The following RFX3 variants were observed in gnomAD, a reference collection of about 807,000 sequenced individuals.
RFX3 encodes transcription factor RFX3.
In RFX3, 14 loss-of-function variants were observed where a neutral mutation model predicts 98.6. The ratio of observed to expected loss-of-function variants is 0.14; its 90% CI spans 0.09 to 0.22. The LOEUF (loss-of-function observed/expected upper bound fraction) is 0.22. Among genes scored for constraint, RFX3 ranks in the 10% least tolerant of loss-of-function variants. The pLI is 1.00. For synonymous variants in RFX3, 383 were observed against 328.4 expected (o/e 1.17, Z -1.80); for missense variants, 639 against 926.9 (o/e 0.69, Z 4.03).
intron 15 of RFX3, among the ~76,000 whole-genome samples, chr9:3,242,824 T>C (rs907191623): frequency 3.3e-5 from 5 of 152,106 alleles, no homozygotes; most frequent in South Asian, 2.1e-4. Context: ...ATCTTTTCTA[T>C]ATTGATATTC....
At chr9:3,321,326 T>C (rs1831289881) in intron 4 of RFX3, among the ~76,000 whole-genome samples, 2 of 152,216 alleles carry the variant, frequency 1.3e-5, no homozygotes, top group East Asian at 3.8e-4. Context: ...TCAGAGGATA[T>C]GTGTATTTTT....
intron 4 of RFX3, among the ~76,000 whole-genome samples, chr9:3,305,076 G>T (rs569647942): frequency 2.6e-5 from 4 of 152,118 alleles, no homozygotes; most frequent in Admixed American, 1.3e-4. Context: ...AGATGGAAGT[G>T]TTCAGGGGGT....
At chr9:3,432,112 G>A (rs541893976) in intron 1 of RFX3, among the ~76,000 whole-genome samples, 4 of 152,268 alleles carry the variant, frequency 2.6e-5, no homozygotes, top group South Asian at 2.1e-4. Context: ...CTAAGAAGAT[G>A]AGAACAGCTT....
intron 1 of RFX3, among the ~76,000 whole-genome samples, chr9:3,506,951 G>C (rs896443428): frequency 5.3e-5 from 8 of 151,960 alleles, no homozygotes; most frequent in Admixed American, 2.6e-4. Context: ...ATCAGAACTA[G>C]ACAAAATTTT....
chr9:3,326,786 T>A (rs1831971320), intron 4 of RFX3, among the ~76,000 whole-genome samples: 2 of 152,290 alleles, frequency 1.3e-5, no homozygotes, highest in Admixed American at 6.5e-5. Flanking sequence ...GCAGAAAACT[T>A]TGCCATAGGA....
intron 5 of RFX3, 25 bp downstream of exon 5, chr9:3,301,521 T>C (rs567739342): frequency 2.3e-5 from 35 of 1,507,384 alleles, no homozygotes; most frequent in Admixed American, 5.1e-5. Context: ...AAGAGATTAG[T>C]GTACATGAAG....
intron 1 of RFX3, among the ~76,000 whole-genome samples, chr9:3,499,934 G>T (rs1366334382): frequency 6.6e-6 from 1 of 151,854 alleles, no homozygotes; most frequent in Admixed American, 6.6e-5. Flanking sequence ...TTCTGAGCTG[G>T]GAACCCTTTA....
intron 15 of RFX3, among the ~76,000 whole-genome samples, chr9:3,245,861 G>C (rs1820589794): frequency 6.6e-6 from 1 of 152,148 alleles, no homozygotes; most frequent in South Asian, 2.1e-4. Flanking sequence ...TATGTACACA[G>C]GCACGTCTGG....
intron 7 of RFX3, among the ~76,000 whole-genome samples, chr9:3,281,992 T>C (rs925064995): frequency 6.6e-6 from 1 of 151,738 alleles, no homozygotes; most frequent in Non-Finnish European, 1.5e-5. Context: ...ACACAAAATA[T>C]AAACTGTATA....
chr9:3,300,190 C>G (rs565936640), intron 5 of RFX3, among the ~76,000 whole-genome samples: 1 of 151,370 alleles, frequency 6.6e-6, no homozygotes, highest in Admixed American at 6.6e-5. Context: ...AATATACTTA[C>G]GAAACATAAA....
chr9:3,233,925 T>C (rs376735186), intron 15 of RFX3, among the ~76,000 whole-genome samples: 1 of 152,166 alleles, frequency 6.6e-6, no homozygotes, highest in African/African-American at 2.4e-5. Context: ...AAACCAGACA[T>C]GCAGAATCAG....
intron 4 of RFX3, among the ~76,000 whole-genome samples, chr9:3,318,008 C>A (rs1206360710): frequency 1.3e-5 from 2 of 152,194 alleles, no homozygotes; most frequent in East Asian, 3.8e-4. Flanking sequence ...TTGACCCAGC[C>A]ATCCCATTAC....
chr9:3,508,429 C>A (rs549605842), intron 1 of RFX3, among the ~76,000 whole-genome samples: 4 of 151,922 alleles, frequency 2.6e-5, no homozygotes, highest in African/African-American at 7.2e-5. Flanking sequence ...TTATTTAGAT[C>A]TCTCCCCCTA....
intron 1 of RFX3, among the ~76,000 whole-genome samples, chr9:3,518,161 G>A (rs1053565348): frequency 5.3e-5 from 8 of 152,192 alleles, no homozygotes; most frequent in African/African-American, 1.9e-4. Flanking sequence ...CTAGGTGTGT[G>A]TTGGGTACAC....
intron 1 of RFX3, among the ~76,000 whole-genome samples, chr9:3,471,394 A>G (rs1249237760): frequency 6.6e-6 from 1 of 152,218 alleles, no homozygotes; most frequent in Non-Finnish European, 1.5e-5. Context: ...GGTAAAGCCA[A>G]GTCTCAAACA....
intron 1 of RFX3, among the ~76,000 whole-genome samples, chr9:3,520,907 T>A (rs1818646545): frequency 6.6e-6 from 1 of 152,208 alleles, no homozygotes; most frequent in South Asian, 2.1e-4. Flanking sequence ...CTTGAACTCA[T>A]AGCCTCAGGT....
intron 1 of RFX3, among the ~76,000 whole-genome samples, chr9:3,464,311 AT>A (rs1329395687): frequency 1.3e-5 from 2 of 152,232 alleles, no homozygotes; most frequent in African/African-American, 4.8e-5. Context: ...ACATATGTCC[AT>A]AAAAACACTT....
rs549782522 is a variant in RFX3 at position 3,464,422 on chromosome 9, C to T, written c.-9+61325G>A. Among the ~76,000 whole-genome samples, 9 of 152,210 alleles carry T rather than the reference C, an allele frequency of 5.9e-5. No individual in the cohort carries two copies. The East Asian group carries it at 7.7e-4, about 13-fold the overall frequency. ...AATAGTTATCAGAACAACCAAATTG[C>T]GGTATAGCCACACAGTAAACTACCA... is the stretch of plus-strand genomic sequence containing the variant. On this transcript the variant is annotated intron_variant, in intron 1 of 16. Coordinates refer to ENST00000617270, the MANE Select transcript of RFX3 (RefSeq NM_001282116.2).
chr9:3,505,228 A>T (rs1439463994), intron 1 of RFX3, among the ~76,000 whole-genome samples: 4 of 71,400 alleles, frequency 5.6e-5, no homozygotes, highest in African/African-American at 3.3e-4. Flanking sequence ...ATATTTATAT[A>T]TGAATATATA....
Sources: allele counts gnomAD v4.1 joint callset (sites outside exome capture counted in the v4.1 genomes callset), GRCh38; gene constraint gnomAD v4.1.1; transcripts MANE v1.5; gene names NCBI Gene and HGNC (gene_info 2026-07-23, HGNC 2026-07-21).